HNF4A: variants seen among roughly 807,000 people sequenced by gnomAD.
HNF4A encodes the protein hepatocyte nuclear factor 4 alpha, also known as hepatocyte nuclear factor 4-alpha.
HNF4A carries 15 observed loss-of-function variants against 52.4 expected under a neutral mutation model. The observed-to-expected ratio is 0.29, with a 90% confidence interval of 0.19 to 0.44. The LOEUF is 0.44. Among genes scored for constraint, HNF4A ranks in the 20% least tolerant of loss-of-function variants. The probability of loss-of-function intolerance (pLI) is 1.00; values close to 1 mark genes in which losing one functional copy is unlikely to be tolerated. For synonymous variants in HNF4A, 280 were observed against 264.4 expected (o/e 1.06, Z -0.57); for missense variants, 479 against 647.2 (o/e 0.74, Z 2.82).
intron 1 of HNF4A, among the ~76,000 whole-genome samples, chr20:44,392,358 G>A (rs1027275770): frequency 4.6e-5 from 7 of 152,116 alleles, no homozygotes; most frequent in Non-Finnish European, 4.4e-5. Flanking sequence ...TGATGCCATC[G>A]AAGGCTTTCC....
At chr20:44,426,679 C>T (rs755349166) in intron 8 of HNF4A, among the ~76,000 whole-genome samples, 3 of 152,198 alleles carry the variant, frequency 2.0e-5, no homozygotes, top group Non-Finnish European at 4.4e-5. Flanking sequence ...TGGTGGCATG[C>T]ACCTGTAATC....
chr20:44,401,603 T>C (rs2063410616), intron 1 of HNF4A: 2 of 1,338,334 alleles, frequency 1.5e-6, no homozygotes, highest in South Asian at 1.3e-5. Flanking sequence ...AAATGGTAGG[T>C]TGGTCCTACA....
At chr20:44,409,790 A>C (rs1476224591) in intron 3 of HNF4A, among the ~76,000 whole-genome samples, 2 of 150,746 alleles carry the variant, frequency 1.3e-5, no homozygotes, top group African/African-American at 4.9e-5. Context: ...ACCTACCTGC[A>C]CAAGTCACAC....
chr20:44,387,658 G>GT lies in HNF4A; in HGVS notation c.50-18400_50-18399insT, dbSNP rs1305869553. On this transcript the variant is annotated intron_variant, in intron 1 of 9. Transcript: ENST00000316673. ...GAAGGGGTGGGGTGGAGGCAGGCGGGGGGGGGGGGAGGCGGGGGGGGCGGT... is the reference window on the plus strand; with the variant it reads ...GAAGGGGTGGGGTGGAGGCAGGCGGGTGGGGGGGGGAGGCGGGGGGGGCGGT... 8.0e-5 allele frequency among the ~76,000 whole-genome samples: 7 copies of GT among 88,004 alleles called. No homozygotes were observed. In the East Asian group the frequency reaches 2.1e-3, roughly 27 times the overall value. The allele number at this position is 88,004 out of a possible 152,430, so 57.7% of individuals were successfully genotyped here.
chr20:44,402,666 G>A (rs372213338), intron 1 of HNF4A: 36 of 1,308,546 alleles, frequency 2.8e-5, no homozygotes, highest in East Asian at 1.4e-4. Flanking sequence ...GAGGAGGCCC[G>A]GAAACCCCTC....
chr20:44,403,484 G>A (rs1365396933), intron 1 of HNF4A, among the ~76,000 whole-genome samples: 3 of 152,236 alleles, frequency 2.0e-5, no homozygotes, highest in Non-Finnish European at 4.4e-5. Context: ...TGTAAGCAGG[G>A]TCCCCACATT....
At chr20:44,366,797 G>A (rs1484889868) in intron 1 of HNF4A, among the ~76,000 whole-genome samples, 39 of 152,058 alleles carry the variant, frequency 2.6e-4, no homozygotes, top group Non-Finnish European at 1.5e-5. Flanking sequence ...AAAAATTAAG[G>A]TATATCTTCA....
intron 1 of HNF4A, among the ~76,000 whole-genome samples, chr20:44,387,660 G>GGC (rs1555810296): frequency 1.0e-5 from 1 of 96,314 alleles, no homozygotes; most frequent in Non-Finnish European, 2.4e-5. Context: ...GCAGGCGGGG[G>GGC]GGGGGGGAGG....
intron 1 of HNF4A, among the ~76,000 whole-genome samples, chr20:44,357,294 TAAC>T (rs1489701758): frequency 2.0e-5 from 3 of 152,096 alleles, no homozygotes; most frequent in African/African-American, 4.8e-5. Flanking sequence ...AAAATGAAGA[TAAC>T]AACAGGACCT....
chr20:44,412,312 G>A (rs892580137), intron 3 of HNF4A, among the ~76,000 whole-genome samples: 1 of 152,164 alleles, frequency 6.6e-6, no homozygotes, highest in African/African-American at 2.4e-5. Flanking sequence ...CAGGGCCAGG[G>A]TGGGAGTCAT....
chr20:44,426,086 A>G (rs1185077007), intron 8 of HNF4A, among the ~76,000 whole-genome samples: 2 of 152,192 alleles, frequency 1.3e-5, no homozygotes, highest in African/African-American at 4.8e-5. Flanking sequence ...CAGGGGGAAG[A>G]TGGAGCCATG....
chr20:44,413,842 C>A, intron 4 of HNF4A, 42 bp downstream of exon 4: 1 of 1,352,682 alleles, frequency 7.4e-7, no homozygotes, highest in Non-Finnish European at 1.0e-6. Context: ...ATCCCCCACA[C>A]TACAGAGGAG....
At chr20:44,407,309 C>T in intron 2 of HNF4A, 72 bp from the exon 3 acceptor site, 3 of 1,145,926 alleles carry the variant, frequency 2.6e-6, no homozygotes, top group Non-Finnish European at 2.6e-6. Context: ...AACTGGATAG[C>T]CAGGGCCCTA....
intron 1 of HNF4A, among the ~76,000 whole-genome samples, chr20:44,377,346 C>A (rs1009220053): frequency 1.3e-5 from 2 of 152,162 alleles, no homozygotes; most frequent in Admixed American, 6.5e-5. Flanking sequence ...ATGCTCATTA[C>A]CTGGGTGATG....
chr20:44,412,261 T>C (rs2063595330), intron 3 of HNF4A, among the ~76,000 whole-genome samples: 1 of 152,130 alleles, frequency 6.6e-6, no homozygotes, highest in Non-Finnish European at 1.5e-5. Context: ...TAACAAATAA[T>C]TCTACAATAA....
At position 44,402,046 on chromosome 20, in the gene HNF4A, G is replaced by T. The variant is rs535538553; in HGVS notation, c.115+559G>T. ...AAGCCAACTCAGCACTGTGTGTGTT[G>T]TGTGTGCGTTCGTGTGTGATAGTGA... is the stretch of plus-strand genomic sequence containing the variant. On this transcript the variant is annotated intron_variant, in intron 1 of 9. Coordinates refer to ENST00000316099, the MANE Select transcript of HNF4A (RefSeq NM_000457.6). Among the ~76,000 whole-genome samples, 5 of 152,258 alleles carry T rather than the reference G, an allele frequency of 3.3e-5. No homozygotes were observed. In the South Asian group the frequency reaches 1.0e-3, roughly 32 times the overall value.
chr20:44,428,115 A>G (rs560515522), intron 8 of HNF4A, among the ~76,000 whole-genome samples: 3 of 152,264 alleles, frequency 2.0e-5, no homozygotes, highest in African/African-American at 7.2e-5. Context: ...CTTTCAACTC[A>G]CTTTTGTTCT....
rs139298330 is a variant in HNF4A, at chr20:44,382,324, C to T, written c.50-23734C>T. On this transcript the variant is annotated intron_variant, in intron 1 of 9. Coordinates refer to the HNF4A transcript ENST00000316673. ...CGAGATCTCGGCTCACTGCACCCTC[C>T]GCCTCCCAGGTTCAAGCAATTCTCC... Among the ~76,000 whole-genome samples the T allele has an allele frequency of 7.8e-3, 1,177 of 151,562 alleles. 15 individuals carry two copies. Among genetic ancestry groups the T allele is most frequent in the African/African-American group, 0.027 (1,121 of 41,254 alleles).
At chr20:44,366,777 A>C (rs930759469) in intron 1 of HNF4A, among the ~76,000 whole-genome samples, 1 of 152,240 alleles carries the variant, frequency 6.6e-6, no homozygotes, top group Non-Finnish European at 1.5e-5. Context: ...ATTAATATAA[A>C]ATATCTTTTA....
Sources: allele counts gnomAD v4.1 joint callset (sites outside exome capture counted in the v4.1 genomes callset), GRCh38; gene constraint gnomAD v4.1.1; transcripts MANE v1.5; gene names NCBI Gene and HGNC (gene_info 2026-07-23, HGNC 2026-07-21).